Variants in PCDHGA10 observed in about 807,000 individuals in gnomAD.
PCDHGA10 encodes protocadherin gamma subfamily A, 10.
A neutral mutation model predicts 59.5 loss-of-function variants in PCDHGA10; 42 were observed. That is an observed-to-expected ratio of 0.71 (90% CI 0.55 to 0.91). The LOEUF is 0.91. PCDHGA10 is among the 40% of genes least tolerant of loss of function. The pLI, the probability that PCDHGA10 is intolerant of heterozygous loss-of-function variation, is 0.00. For missense variants in PCDHGA10, 1,111 were observed against 1,198.2 expected (o/e 0.93, Z 1.07); for synonymous variants, 511 against 517.2 (o/e 0.99, Z 0.16).
At chr5:141,436,181 T>C (rs1050736907) in intron 1 of PCDHGA10, among the ~76,000 whole-genome samples, 2 of 152,092 alleles carry the variant, frequency 1.3e-5, no homozygotes, top group African/African-American at 4.8e-5. Flanking sequence ...TCATATATAG[T>C]CAAATAGAAA....
At position 141,418,922 on chromosome 5, in the gene PCDHGA10, C is replaced by G. The variant is rs180948941; in HGVS notation, c.2436+3311C>G. The G allele has an allele frequency of 3.7e-6, 6 of 1,613,994 alleles. 1 individual carries two copies. In the Admixed American group the frequency reaches 6.7e-5, roughly 18 times the overall value. On this transcript the variant is annotated intron_variant, in intron 1 of 3. Coordinates refer to ENST00000398610, the MANE Select transcript of PCDHGA10 (RefSeq NM_018913.3). ...AATAATCATCACGTCACTCTCTGAT[C>G]AGATTATGGAGGATTCCCCTCCAGG...
At chr5:141,420,086 TAC>T (rs1396904191) in intron 1 of PCDHGA10, 2 of 1,614,002 alleles carry the variant, frequency 1.2e-6, no homozygotes, top group Non-Finnish European at 1.7e-6. Context: ...TCCCCCCAAC[TAC>T]AGTGAGGGAA....
At chr5:141,427,484 T>C (rs766997973) in intron 1 of PCDHGA10, 7 of 539,726 alleles carry the variant, frequency 1.3e-5, no homozygotes, top group Non-Finnish European at 2.5e-5. Context: ...ATAATGACTA[T>C]AAGCTTGTAA....
rs768994533 is a variant in PCDHGA10 at position 141,486,589 on chromosome 5, C to G, written c.2437-8218C>G. On this transcript the variant is annotated intron_variant, in intron 1 of 3. Transcript: ENST00000398610. This position sits in a 1 kb window ranked among gnomAD's most constrained non-coding sequence, Gnocchi z 5.0. Reference sequence around the variant, plus strand: ...TTCCTGAGAACAATCGCCCAGGGGACCTGCTTTGCTCCCTTGCAGCCTCTG... The same window carrying G: ...TTCCTGAGAACAATCGCCCAGGGGAGCTGCTTTGCTCCCTTGCAGCCTCTG... 1 of 1,613,676 alleles carries G rather than the reference C, an allele frequency of 6.2e-7. No individual in the cohort carries two copies. Among genetic ancestry groups the G allele is most frequent in the Non-Finnish European group, 8.5e-7 (1 of 1,179,996 alleles).
Position 141,431,897 on chromosome 5 carries a change from G to A in PCDHGA10, c.2436+16286G>A. On this transcript the variant is annotated intron_variant, in intron 1 of 3. Transcript: ENST00000398610. This position sits in a 1 kb window ranked among gnomAD's most constrained non-coding sequence, Gnocchi z 4.8. ...AAATGACCAAGATTCTGAGGAAAAC[G>A]GACAGGTGATCTGTTTCATCCAAGG... is the stretch of plus-strand genomic sequence containing the variant. 6 of 1,613,830 alleles carry A rather than the reference G, an allele frequency of 3.7e-6. No individual in the cohort carries two copies. The highest frequency in any genetic ancestry group is 5.1e-6 in the Non-Finnish European group (6 of 1,179,704).
chr5:141,418,363 C>G (rs147423305), intron 1 of PCDHGA10: 1 of 1,613,866 alleles, frequency 6.2e-7, no homozygotes, highest in Non-Finnish European at 8.5e-7. Context: ...ATTCGCTGAG[C>G]AAATACCAAC....
In PCDHGA10 at chr5:141,413,993, G is replaced by A. The variant is rs756042576; in HGVS notation, c.818G>A (p.Arg273Lys). Residue 273 changes from arginine to lysine, a missense_variant, in exon 1 of 4, where the codon AGG (arginine) becomes AAG (lysine). Arg to Lys is a conservative substitution (Grantham distance 26). Transcript: ENST00000398610. ...CTGCTGACAGTCACAGCCACCGACA[G>A]GGACGAAGGTGCCAATGGAGAAGTG... ...TQLLTVTATD[R>K]DEGANGEVTY... 1.2e-6 allele frequency: 2 copies of A among 1,613,486 alleles called. No homozygotes were observed. The highest frequency in any genetic ancestry group is 1.7e-6 in the Non-Finnish European group (2 of 1,179,808).
At position 141,414,564 on chromosome 5, in the gene PCDHGA10, C is replaced by G; in HGVS notation, c.1389C>G (p.Thr463=). 6.2e-7 allele frequency: 1 copy of G among 1,613,948 alleles called. No homozygotes were observed. The highest frequency in any genetic ancestry group is 2.2e-5 in the East Asian group (1 of 44,882). Reference sequence around the variant, plus strand: ...CCTTCTCTCAAGTCTCCTACTTTACCTATATCCCAGAGAACAACGCCAGGG... The same window carrying G: ...CCTTCTCTCAAGTCTCCTACTTTACGTATATCCCAGAGAACAACGCCAGGG... ...PPTFSQVSYF[T]YIPENNARGA... is the part of the protein sequence containing the mutation. Residue 463 remains threonine (T), a synonymous_variant, in exon 1 of 4, where the codon ACC becomes ACG. Coordinates refer to ENST00000398610, the MANE Select transcript of PCDHGA10 (RefSeq NM_018913.3).
intron 1 of PCDHGA10, among the ~76,000 whole-genome samples, chr5:141,472,437 G>A (rs1332528325): frequency 6.6e-6 from 1 of 152,116 alleles, no homozygotes; most frequent in Non-Finnish European, 1.5e-5. Flanking sequence ...CTACTAGGGA[G>A]GCTGAGGCAG....
At position 141,423,606 on chromosome 5, in the gene PCDHGA10, G is replaced by A. The variant is rs945897368; in HGVS notation, c.2436+7995G>A. 9 of 1,612,046 alleles carry A rather than the reference G, an allele frequency of 5.6e-6. No individual in the cohort carries two copies. In the Admixed American group the frequency reaches 1.0e-4, roughly 18 times the overall value. On this transcript the variant is annotated intron_variant, in intron 1 of 3. Transcript: ENST00000398610. ...GCTGTGAGAAAAGCGAGCCACTCTT[G>A]ATAGCTGAAGACTCAGCTATCATTT...
At chr5:141,453,042 A>G (rs2098754438) in intron 1 of PCDHGA10, among the ~76,000 whole-genome samples, 1 of 152,116 alleles carries the variant, frequency 6.6e-6, no homozygotes, top group Non-Finnish European at 1.5e-5. Context: ...GTTTGTTTCT[A>G]TTATGTGCAG....
At chr5:141,427,982 G>A in intron 1 of PCDHGA10, 1 of 1,596,754 alleles carries the variant, frequency 6.3e-7, no homozygotes, top group Non-Finnish European at 8.6e-7. Flanking sequence ...CCGCGCTGGG[G>A]CCCGATGGCT....
chr5:141,497,211 G>T (rs914346878), intron 2 of PCDHGA10, among the ~76,000 whole-genome samples: 12 of 28,538 alleles, frequency 4.2e-4, no homozygotes, highest in African/African-American at 1.1e-3. Context: ...GAGTGTAATG[G>T]GGGGGGGAAG....
chr5:141,483,009 C>T (rs538900128), intron 1 of PCDHGA10, among the ~76,000 whole-genome samples: 4 of 151,942 alleles, frequency 2.6e-5, no homozygotes, highest in Non-Finnish European at 5.9e-5. Flanking sequence ...TGCTTGAACC[C>T]GGGAGGCAGA....
chr5:141,469,711 T>C (rs894622720), intron 1 of PCDHGA10, among the ~76,000 whole-genome samples: 13 of 152,372 alleles, frequency 8.5e-5, no homozygotes, highest in African/African-American at 2.4e-4. Flanking sequence ...AATCACACTA[T>C]TAGGAATTTA....
At chr5:141,433,732 G>A (rs1181042854) in intron 1 of PCDHGA10, among the ~76,000 whole-genome samples, 2 of 151,886 alleles carry the variant, frequency 1.3e-5, no homozygotes, top group Non-Finnish European at 2.9e-5. Flanking sequence ...AGCTACTTGG[G>A]AGGCTGAGTC....
intron 1 of PCDHGA10, chr5:141,418,983 A>T: frequency 6.2e-7 from 1 of 1,613,900 alleles, no homozygotes; most frequent in Admixed American, 1.7e-5. Context: ...CGGGACCAAG[A>T]CTCAGGGGAA....
rs36031641 is a variant in PCDHGA10 at position 141,434,771 on chromosome 5, T to TA, written c.2436+19173dup. ...CCCCTGATTCCCCACTTCACACTTCTAAAAAAAAAAAAATTTTTTTTTCTG... is the reference window on the plus strand; with the variant it reads ...CCCCTGATTCCCCACTTCACACTTCTAAAAAAAAAAAAAATTTTTTTTTCTG... On this transcript the variant is annotated intron_variant, in intron 1 of 3. Coordinates refer to ENST00000398610, the MANE Select transcript of PCDHGA10 (RefSeq NM_018913.3). Among the ~76,000 whole-genome samples, 71 of 145,288 alleles carry TA rather than the reference T, an allele frequency of 4.9e-4. 1 individual carries two copies. The highest frequency in any genetic ancestry group is 3.6e-3 in the Middle Eastern group (1 of 278).
intron 1 of PCDHGA10, chr5:141,427,048 C>T (rs1257232583): frequency 4.4e-6 from 2 of 457,350 alleles, no homozygotes; most frequent in South Asian, 1.5e-5. Context: ...AATGTGCCCC[C>T]AGGCACCTCT....
Sources: gnomAD v4.1 joint callset for allele counts (sites outside exome capture counted in the v4.1 genomes callset) on GRCh38, gnomAD v4.1.1 for gene constraint, Gnocchi (gnomAD v3.1) non-coding constraint, MANE v1.5 for transcripts, NCBI Gene and HGNC (gene_info 2026-07-23, HGNC 2026-07-21) for gene names.